Variants in OPHN1 observed in about 807,000 individuals in gnomAD.
OPHN1 encodes oligophrenin 1, also known as oligophrenin-1.
OPHN1 carries 11 observed loss-of-function variants against 60.7 expected under a neutral mutation model. The observed-to-expected ratio is 0.18, with a 90% confidence interval of 0.11 to 0.30. The LOEUF (loss-of-function observed/expected upper bound fraction) is 0.30, where lower values mean the gene tolerates loss of function less well. Among genes scored for constraint, OPHN1 ranks in the 10% least tolerant of loss-of-function variants. The probability of loss-of-function intolerance (pLI) is 1.00; values close to 1 mark genes in which losing one functional copy is unlikely to be tolerated. For missense variants in OPHN1, 449 were observed against 611.0 expected, an observed-to-expected ratio of 0.73 and a Z score of 2.80; for synonymous variants, 226 against 222.6, an observed-to-expected ratio of 1.02 and a Z score of -0.14.
At chrX:68,377,683 C>T (rs769583715) in intron 2 of OPHN1, among the ~76,000 whole-genome samples, 1 of 108,646 alleles carries the variant, frequency 9.2e-6, no homozygotes, top group East Asian at 2.9e-4. Flanking sequence ...ATGCGGTGTG[C>T]GGTTTTCTGT....
At position 68,279,029 on chromosome X, in the gene OPHN1, A is replaced by G. The variant is rs187395530; in HGVS notation, c.312+4027T>C. On this transcript the variant is annotated intron_variant, in intron 4 of 24. Coordinates refer to ENST00000355520, the MANE Select transcript of OPHN1 (RefSeq NM_002547.3). ...CCAACAGAGGCCCCTTCAGAGTCAG[A>G]AAGGAATCTAGGCAAGCTTCATAAT... 8.4e-4 allele frequency among the ~76,000 whole-genome samples: 91 copies of G among 107,806 alleles called. No homozygotes were observed. The Admixed American group carries it at 8.5e-3, about 10-fold the overall frequency. 93.6% of individuals were successfully genotyped at this position (107,806 alleles called of 115,157 possible). A position where few individuals can be genotyped will look rare whatever the true frequency, so the allele number is the denominator to read the frequency against.
intron 2 of OPHN1, among the ~76,000 whole-genome samples, chrX:68,374,640 A>G (rs1386116450): frequency 9.0e-6 from 1 of 110,883 alleles, no homozygotes; most frequent in Non-Finnish European, 1.9e-5. Flanking sequence ...AGACGATTTT[A>G]GAAAAGACAA....
intron 15 of OPHN1, among the ~76,000 whole-genome samples, chrX:68,149,902 T>A (rs1308923716): frequency 9.0e-6 from 1 of 111,642 alleles, no homozygotes. Flanking sequence ...ACAGCTCAAA[T>A]GTTCATCAAT....
At chrX:68,068,941 T>G (rs150030615) in intron 20 of OPHN1, among the ~76,000 whole-genome samples, 1 of 112,025 alleles carries the variant, frequency 8.9e-6, no homozygotes, top group South Asian at 3.7e-4. Flanking sequence ...GAAGTAAATT[T>G]AAAAGTATTG....
chrX:68,380,685 G>T (rs934716503), intron 2 of OPHN1, among the ~76,000 whole-genome samples: 1 of 111,223 alleles, frequency 9.0e-6, no homozygotes, highest in Non-Finnish European at 1.9e-5. Flanking sequence ...ATTTCGTTAT[G>T]TACCCAGTAG....
intron 5 of OPHN1, among the ~76,000 whole-genome samples, chrX:68,243,305 T>G (rs975244138): frequency 3.6e-5 from 4 of 111,657 alleles, no homozygotes; most frequent in Non-Finnish European, 7.5e-5. Flanking sequence ...ATGGTGATGG[T>G]TGCATATCAT....
chrX:68,132,342 A>G (rs2077198502), intron 15 of OPHN1, among the ~76,000 whole-genome samples: 1 of 106,173 alleles, frequency 9.4e-6, no homozygotes, highest in African/African-American at 3.4e-5. Flanking sequence ...AATGTGGCAC[A>G]TATACACCAT....
chrX:68,141,826 C>T (rs901096572), intron 15 of OPHN1, among the ~76,000 whole-genome samples: 4 of 108,292 alleles, frequency 3.7e-5, no homozygotes, highest in African/African-American at 1.0e-4. Flanking sequence ...ACACTCTGGC[C>T]GGGAAAGTAA....
At chrX:68,395,878 G>A (rs895358514) in intron 2 of OPHN1, among the ~76,000 whole-genome samples, 10 of 111,203 alleles carry the variant, frequency 9.0e-5, no homozygotes, top group Non-Finnish European at 7.5e-5. Context: ...GAGTCACCAC[G>A]CCCAGCCATT....
At chrX:68,153,207 T>A (rs1404721260) in intron 15 of OPHN1, among the ~76,000 whole-genome samples, 1 of 74,099 alleles carries the variant, frequency 1.3e-5, no homozygotes. Flanking sequence ...CGAGACTCCA[T>A]GTCAAAAAAA....
chrX:68,112,224 TA>T (rs1379742943), intron 17 of OPHN1, among the ~76,000 whole-genome samples: 2 of 98,164 alleles, frequency 2.0e-5, no homozygotes, highest in Admixed American at 2.2e-4. Context: ...GACAAAGACA[TA>T]AAGAAAGAAA....
chrX:68,098,659 C>T (rs1015107253), intron 18 of OPHN1, among the ~76,000 whole-genome samples: 1 of 111,855 alleles, frequency 8.9e-6, no homozygotes, highest in South Asian at 3.8e-4. Flanking sequence ...TTCCTTTTAA[C>T]AGTTTCAATA....
At chrX:68,337,194 C>T (rs1423062075) in intron 2 of OPHN1, among the ~76,000 whole-genome samples, 1 of 111,238 alleles carries the variant, frequency 9.0e-6, no homozygotes, top group African/African-American at 3.3e-5. Context: ...CTTCCTTCAA[C>T]TTTTTTAAAA....
At chrX:68,085,724 A>G (rs1159360832) in intron 19 of OPHN1, among the ~76,000 whole-genome samples, 2 of 112,156 alleles carry the variant, frequency 1.8e-5, no homozygotes, top group African/African-American at 6.5e-5. Flanking sequence ...GCAGTCCAAT[A>G]TTAATGAGAA....
At chrX:68,053,946 CTA>C in intron 21 of OPHN1, 136 bp from the exon 22 acceptor site, 2 of 482,635 alleles carry the variant, frequency 4.1e-6, no homozygotes, top group Non-Finnish European at 6.1e-6. Context: ...ACAACTCTGG[CTA>C]TTTTTTTTTT....
At chrX:68,090,881 T>A (rs1191486461) in intron 19 of OPHN1, among the ~76,000 whole-genome samples, 1 of 111,478 alleles carries the variant, frequency 9.0e-6, no homozygotes, top group East Asian at 2.8e-4. Flanking sequence ...TTTCTAATTA[T>A]CTCAAAAATA....
chrX:68,182,188 G>GT (rs397951860), intron 15 of OPHN1, among the ~76,000 whole-genome samples: 16,026 of 45,952 alleles, frequency 0.35, 3,290 homozygotes, highest in East Asian at 0.8. Flanking sequence ...AAGCTCTGTA[G>GT]TTTTTTTTTT....
intron 2 of OPHN1, among the ~76,000 whole-genome samples, chrX:68,321,076 A>G (rs1368914171): frequency 1.8e-5 from 2 of 111,033 alleles, no homozygotes; most frequent in Non-Finnish European, 3.8e-5. Context: ...TGGAAGCTTC[A>G]TTGTGTAGCC....
intron 2 of OPHN1, among the ~76,000 whole-genome samples, chrX:68,315,327 G>A (rs2078194636): frequency 9.0e-6 from 1 of 111,048 alleles, no homozygotes; most frequent in Admixed American, 9.6e-5. Context: ...GAGAAAGACA[G>A]AAAGTAAGAA....
Sources: gnomAD v4.1 joint callset for allele counts (sites outside exome capture counted in the v4.1 genomes callset) on GRCh38, gnomAD v4.1.1 for gene constraint, MANE v1.5 for transcripts, NCBI Gene and HGNC (gene_info 2026-07-23, HGNC 2026-07-21) for gene names.